PAMR1: variants seen among roughly 807,000 people sequenced by gnomAD.
The protein encoded by PAMR1 is peptidase domain containing associated with muscle regeneration 1, also known as inactive serine protease PAMR1.
A neutral mutation model predicts 81.8 loss-of-function variants in PAMR1; 88 were observed. The observed-to-expected ratio is 1.08, with a 90% CI of 0.91 to 1.28. The LOEUF is 1.28. Among genes scored for constraint, PAMR1 ranks in the 50% most tolerant of loss-of-function variants. The pLI is 0.00. For synonymous variants in PAMR1, 336 were observed against 345.3 expected (o/e 0.97, Z 0.30); for missense variants, 935 against 919.7 (o/e 1.02, Z -0.21).
At chr11:35,464,665 A>G (rs1042537361) in intron 6 of PAMR1, among the ~76,000 whole-genome samples, 4 of 152,204 alleles carry the variant, frequency 2.6e-5, no homozygotes, top group African/African-American at 9.6e-5. Flanking sequence ...TAGACCACTT[A>G]GGTTTGCATA....
intron 1 of PAMR1, among the ~76,000 whole-genome samples, chr11:35,524,718 C>T (rs181953412): frequency 3.9e-5 from 6 of 152,306 alleles, no homozygotes; most frequent in Non-Finnish European, 8.8e-5. Context: ...TTCCCACTTC[C>T]CCGCCTGCCA....
intron 9 of PAMR1, among the ~76,000 whole-genome samples, chr11:35,435,080 T>C (rs1170169753): frequency 6.6e-6 from 1 of 152,218 alleles, no homozygotes; most frequent in African/African-American, 2.4e-5. Context: ...GTCTAATCTT[T>C]TAGAGCCTCT....
chr11:35,445,768 A>G (rs920055335), intron 6 of PAMR1, among the ~76,000 whole-genome samples: 1 of 152,188 alleles, frequency 6.6e-6, no homozygotes, highest in Non-Finnish European at 1.5e-5. Flanking sequence ...ATTGATGTTT[A>G]TCAGGGATAT....
rs527880193 is a variant in PAMR1 at position 35,500,819 on chromosome 11, G to A, written c.74-6547C>T. 4.3e-4 allele frequency among the ~76,000 whole-genome samples: 65 copies of A among 152,242 alleles called. No individual in the cohort carries two copies. In the South Asian group the frequency reaches 0.012, roughly 29 times the overall value. ...GCATGTTACTGTACTGAATACTATA[G>A]GCAATTGTAATACAACAGTAAGTAC... On this transcript the variant is annotated intron_variant, in intron 1 of 10. Transcript: ENST00000619888.
At chr11:35,479,697 G>T (rs1850348854) in intron 3 of PAMR1, among the ~76,000 whole-genome samples, 1 of 152,176 alleles carries the variant, frequency 6.6e-6, no homozygotes, top group African/African-American at 2.4e-5. Context: ...AGACCCTAAG[G>T]GCTCTCACAT....
rs550228450 is a variant in PAMR1 at position 35,507,951 on chromosome 11, C to T, written c.74-13679G>A. 3.9e-5 allele frequency among the ~76,000 whole-genome samples: 6 copies of T among 152,266 alleles called. No individual in the cohort carries two copies. In the East Asian group the frequency reaches 9.6e-4, roughly 24 times the overall value. The stretch of plus-strand genomic sequence containing the variant: ...GGAATATCCCAATAGTTTTGAAAGG[C>T]TGGCTAGGAGTTCATGCCTGGGGAA... On this transcript the variant is annotated intron_variant, in intron 1 of 10. Transcript: ENST00000619888.
At chr11:35,477,231 T>C (rs1043521675) in intron 3 of PAMR1, among the ~76,000 whole-genome samples, 1 of 152,204 alleles carries the variant, frequency 6.6e-6, no homozygotes, top group Non-Finnish European at 1.5e-5. Context: ...TTTTCTAGCT[T>C]GTACACCTAG....
At chr11:35,497,593 T>C (rs1447776328) in intron 1 of PAMR1, among the ~76,000 whole-genome samples, 1 of 152,214 alleles carries the variant, frequency 6.6e-6, no homozygotes, top group African/African-American at 2.4e-5. Flanking sequence ...CTTCCACTCC[T>C]CCTCTGATTA....
chr11:35,470,286 G>C (rs1176122071), intron 5 of PAMR1, among the ~76,000 whole-genome samples: 2 of 152,186 alleles, frequency 1.3e-5, no homozygotes, highest in Non-Finnish European at 2.9e-5. Context: ...CCCTGTGTGA[G>C]CTCTAGAGCC....
At chr11:35,479,819 C>T (rs1245174982) in intron 3 of PAMR1, among the ~76,000 whole-genome samples, 1 of 152,182 alleles carries the variant, frequency 6.6e-6, no homozygotes, top group Admixed American at 6.5e-5. Flanking sequence ...AGTTATTTAT[C>T]CCTCTGTGCC....
upstream of PAMR1, among the ~76,000 whole-genome samples, chr11:35,529,213 A>G (rs1198714275): frequency 6.6e-6 from 1 of 152,222 alleles, no homozygotes; most frequent in Admixed American, 6.5e-5. Flanking sequence ...TGAATCTTCC[A>G]AAATCATATG....
chr11:35,445,016 T>G (rs1856260433), intron 6 of PAMR1, among the ~76,000 whole-genome samples: 1 of 152,214 alleles, frequency 6.6e-6, no homozygotes, highest in African/African-American at 2.4e-5. Context: ...CTGATTTCCT[T>G]GAGCAGTGGT....
At chr11:35,451,763 C>A in intron 6 of PAMR1, 1 of 531,898 alleles carries the variant, frequency 1.9e-6, no homozygotes, top group Admixed American at 3.7e-5. Flanking sequence ...TAGATTAGTT[C>A]ATGAGGGTGG....
At position 35,432,079 on chromosome 11, in the gene PAMR1, T is replaced by G; in HGVS notation, c.*277A>C. 2.5e-6 allele frequency: 1 copy of G among 407,368 alleles called. No homozygotes were observed. The highest frequency in any genetic ancestry group is 4.0e-5 in the Admixed American group (1 of 24,990). The allele number at this position is 407,368 out of a possible 1,614,324, so 25.2% of individuals were successfully genotyped here. A position where few individuals can be genotyped will look rare whatever the true frequency, so the allele number is the denominator to read the frequency against. ...AAGTTGGGGAAGACCACCAGGTCAG[T>G]GGAGTGGAGAGGTTTTGTATATGGT... On this transcript the variant is annotated 3_prime_UTR_variant, in exon 11 of 11. Coordinates refer to ENST00000619888, the MANE Select transcript of PAMR1 (RefSeq NM_001001991.3).
intron 3 of PAMR1, among the ~76,000 whole-genome samples, chr11:35,486,204 A>G (rs914902368): frequency 3.3e-5 from 5 of 152,214 alleles, no homozygotes; most frequent in Admixed American, 6.5e-5. Context: ...GAAATGCTCC[A>G]TCAGTGCTCA....
Position 35,492,193 on chromosome 11 carries a change from A to G in PAMR1, c.251-20T>C, listed in dbSNP as rs1850644846. Reference sequence around the variant, plus strand: ...TACAACCTGAAACATTCCCAAGAAGAGGAGTGTTAGGCCAAAGCACCTGCG... The same window carrying G: ...TACAACCTGAAACATTCCCAAGAAGGGGAGTGTTAGGCCAAAGCACCTGCG... On this transcript the variant is annotated intron_variant, in intron 2 of 10. Coordinates refer to ENST00000619888, the MANE Select transcript of PAMR1 (RefSeq NM_001001991.3). The G allele has an allele frequency of 6.2e-7, 1 of 1,613,556 alleles. No individual in the cohort carries two copies. Among genetic ancestry groups the G allele is most frequent in the Admixed American group, 1.7e-5 (1 of 59,986 alleles).
At chr11:35,466,436 AG>A (rs1468110539) in intron 6 of PAMR1, among the ~76,000 whole-genome samples, 5 of 152,218 alleles carry the variant, frequency 3.3e-5, no homozygotes, top group African/African-American at 1.2e-4. Context: ...AGAAAACATT[AG>A]TGAAAACTGG....
intron 1 of PAMR1, among the ~76,000 whole-genome samples, chr11:35,500,371 T>A (rs556272432): frequency 6.6e-6 from 1 of 152,298 alleles, no homozygotes; most frequent in African/African-American, 2.4e-5. Flanking sequence ...GTTTTTCAAG[T>A]ATTTATTGAG....
At chr11:35,483,262 T>C (rs1381475584) in intron 3 of PAMR1, among the ~76,000 whole-genome samples, 1 of 152,102 alleles carries the variant, frequency 6.6e-6, no homozygotes, top group African/African-American at 2.4e-5. Flanking sequence ...GATTTTCATC[T>C]CCTCCTTCCC....
Sources: gnomAD v4.1 joint callset for allele counts (sites outside exome capture counted in the v4.1 genomes callset) on GRCh38, gnomAD v4.1.1 for gene constraint, MANE v1.5 for transcripts, NCBI Gene and HGNC (gene_info 2026-07-23, HGNC 2026-07-21) for gene names.